The following MTM1 variants were observed in gnomAD, a reference collection of about 807,000 sequenced individuals.
The protein encoded by MTM1 is myotubularin.
Under a neutral mutation model 52.1 loss-of-function variants are expected in MTM1, and 9 were observed. That is an observed-to-expected ratio of 0.17 (90% confidence interval 0.10 to 0.30). The LOEUF (loss-of-function observed/expected upper bound fraction) is 0.30. Among genes scored for constraint, MTM1 ranks in the 10% least tolerant of loss-of-function variants. The pLI, the probability that MTM1 is intolerant of heterozygous loss-of-function variation, is 1.00. For synonymous variants in MTM1, 136 were observed against 163.8 expected, an observed-to-expected ratio of 0.83 and a Z score of 1.29; for missense variants, 277 against 470.7, an observed-to-expected ratio of 0.59 and a Z score of 3.81.
intron 6 of MTM1, among the ~76,000 whole-genome samples, chrX:150,626,067 A>T (rs1191355274): frequency 1.8e-5 from 2 of 112,390 alleles, no homozygotes; most frequent in Admixed American, 9.4e-5. Context: ...TTTGGTTTTC[A>T]TAGTCTTTGC....
intron 1 of MTM1, among the ~76,000 whole-genome samples, chrX:150,571,518 A>G (rs1295743803): frequency 3.6e-5 from 4 of 112,558 alleles, no homozygotes; most frequent in Non-Finnish European, 7.5e-5. Context: ...CTGAGTGAAT[A>G]ATCTATGCTA....
At chrX:150,568,250 G>C (rs1557411290), upstream of MTM1, among the ~76,000 whole-genome samples, 2 of 112,995 alleles carry the variant, frequency 1.8e-5, no homozygotes, top group Admixed American at 1.9e-4. Flanking sequence ...AAGAAAAATG[G>C]GGAGACCCAG....
chrX:150,654,881 G>A (rs1244940203), intron 10 of MTM1, among the ~76,000 whole-genome samples: 5 of 111,886 alleles, frequency 4.5e-5, no homozygotes, highest in Non-Finnish European at 5.6e-5. Flanking sequence ...TGGAAGCTCC[G>A]TGGAAGAAAT....
intron 7 of MTM1, 117 bp downstream of exon 7, chrX:150,639,143 A>G (rs1174198507): frequency 3.2e-6 from 2 of 616,962 alleles, no homozygotes; most frequent in East Asian, 3.3e-5. Flanking sequence ...TATCTTTTCA[A>G]TGGTGGTGAT....
intron 6 of MTM1, among the ~76,000 whole-genome samples, chrX:150,631,484 G>C (rs1196647546): frequency 1.8e-5 from 2 of 110,156 alleles, no homozygotes; most frequent in African/African-American, 6.6e-5. Context: ...CCAACATGGT[G>C]AAACCCTGTC....
intron 6 of MTM1, among the ~76,000 whole-genome samples, chrX:150,626,459 G>T (rs1367334194): frequency 1.8e-5 from 2 of 110,610 alleles, no homozygotes; most frequent in Non-Finnish European, 3.8e-5. Flanking sequence ...GACTACAGGT[G>T]CTCACCACCA....
intron 6 of MTM1, among the ~76,000 whole-genome samples, chrX:150,633,481 A>G (rs1557413629): frequency 8.9e-6 from 1 of 112,277 alleles, no homozygotes; most frequent in Admixed American, 9.4e-5. Flanking sequence ...ACTTTACCAC[A>G]TATCAGTACG....
chrX:150,590,125 A>G (rs1311889934), intron 1 of MTM1, among the ~76,000 whole-genome samples: 1 of 111,937 alleles, frequency 8.9e-6, no homozygotes, highest in African/African-American at 3.2e-5. Flanking sequence ...GTCAGCTGCA[A>G]CATTTGTGCA....
At chrX:150,565,589 C>G (rs782404153), upstream of MTM1, among the ~76,000 whole-genome samples, 20 of 110,764 alleles carry the variant, frequency 1.8e-4, no homozygotes, top group Non-Finnish European at 3.6e-4. Flanking sequence ...GGAAACAGGC[C>G]ATTTCCTCGC....
At chrX:150,589,258 C>A (rs1356930783) in intron 1 of MTM1, among the ~76,000 whole-genome samples, 3 of 110,771 alleles carry the variant, frequency 2.7e-5, no homozygotes, top group African/African-American at 9.9e-5. Flanking sequence ...GCCAGTAAGT[C>A]ACTCCAGGAC....
At chrX:150,602,340 GTTGAATGAA>G (rs1192981993) in intron 4 of MTM1, among the ~76,000 whole-genome samples, 2 of 112,326 alleles carry the variant, frequency 1.8e-5, no homozygotes, top group Non-Finnish European at 3.8e-5. Flanking sequence ...GTCAGTGTGT[GTTGAATGAA>G]TGGATTCTGT....
rs149399125 is a variant in MTM1, at chrX:150,621,118, CAAAAA to C, written c.444+1998_444+2002del. 1.6e-3 allele frequency among the ~76,000 whole-genome samples: 70 copies of C among 44,208 alleles called. 1 individual carries two copies. The highest frequency in any genetic ancestry group is 6.1e-3 in the African/African-American group (68 of 11,075). The allele number at this position is 44,208 out of a possible 115,157, so 38.4% of individuals were successfully genotyped here. Reference sequence around the variant, plus strand: ...GGGTGACAAAAGCAAAGCTCCATCTCAAAAAAAAAAAAAAAAAAAAAAAGTAGAAT... The same window carrying C: ...GGGTGACAAAAGCAAAGCTCCATCTCAAAAAAAAAAAAAAAAAAGTAGAAT... On this transcript the variant is annotated intron_variant, in intron 6 of 14. Transcript: ENST00000370396.
chrX:150,618,440 G>A (rs1603157619), intron 5 of MTM1, among the ~76,000 whole-genome samples: 1 of 111,301 alleles, frequency 9.0e-6, no homozygotes, highest in African/African-American at 3.3e-5. Flanking sequence ...GATCACCTGA[G>A]GTCAGGAGTT....
At chrX:150,659,985 AT>A (rs1392678286) in intron 12 of MTM1, among the ~76,000 whole-genome samples, 1 of 111,627 alleles carries the variant, frequency 9.0e-6, no homozygotes, top group Non-Finnish European at 1.9e-5. Context: ...AAAATTAAGT[AT>A]TTAACTCTGA....
In MTM1 at chrX:150,669,039, C is replaced by T. The variant is rs781991791; in HGVS notation, c.1645-2389C>T. On this transcript the variant is annotated intron_variant, in intron 14 of 14. Transcript: ENST00000370396. ...CTAAGTTCCCTCCCCTCACCCCCCACTCCCCAACAGGCCCTGGTGTGTGTG... is the reference window on the plus strand; with the variant it reads ...CTAAGTTCCCTCCCCTCACCCCCCATTCCCCAACAGGCCCTGGTGTGTGTG... 2.7e-5 allele frequency among the ~76,000 whole-genome samples: 3 copies of T among 111,017 alleles called. No homozygotes were observed. In the East Asian group the frequency reaches 8.5e-4, roughly 31 times the overall value.
intron 10 of MTM1, among the ~76,000 whole-genome samples, chrX:150,650,247 GT>G (rs1350538760): frequency 9.3e-6 from 1 of 107,981 alleles, no homozygotes; most frequent in African/African-American, 3.4e-5. Flanking sequence ...GGTTAGTTTT[GT>G]TTTTTTTGTT....
rs923105374 is a variant in MTM1, at chrX:150,663,142, C to T, written c.1468-291C>T. 2.7e-5 allele frequency among the ~76,000 whole-genome samples: 3 copies of T among 112,182 alleles called. No individual in the cohort carries two copies. In the Admixed American group the frequency reaches 2.8e-4, roughly 11 times the overall value. ...ATCTGTTCATAAATGTTTTACCTAG[C>T]TGGGAATACTCTTCTTTGGTCAGTG... On this transcript the variant is annotated intron_variant, in intron 13 of 14. Coordinates refer to ENST00000370396, the MANE Select transcript of MTM1 (RefSeq NM_000252.3).
At chrX:150,572,489 A>T (rs1470851024) in intron 1 of MTM1, among the ~76,000 whole-genome samples, 5 of 111,712 alleles carry the variant, frequency 4.5e-5, no homozygotes, top group African/African-American at 1.6e-4. Flanking sequence ...GCAGGTATTT[A>T]TATTGCCTCT....
At chrX:150,604,677 C>T (rs782174324) in intron 4 of MTM1, among the ~76,000 whole-genome samples, 3 of 111,318 alleles carry the variant, frequency 2.7e-5, no homozygotes, top group South Asian at 7.6e-4. Flanking sequence ...CCCTCATCCT[C>T]GGTGTCTGTC....
Sources: gnomAD v4.1 joint callset for allele counts (sites outside exome capture counted in the v4.1 genomes callset) on GRCh38, gnomAD v4.1.1 for gene constraint, MANE v1.5 for transcripts, NCBI Gene and HGNC (gene_info 2026-07-23, HGNC 2026-07-21) for gene names.